DOCK9: variants seen among roughly 807,000 people sequenced by gnomAD.
DOCK9 encodes dedicator of cytokinesis 9.
A neutral mutation model predicts 263.3 loss-of-function variants in DOCK9; 89 were observed. The observed-to-expected ratio is 0.34, with a 90% CI of 0.28 to 0.40. DOCK9 has a LOEUF of 0.40. Among genes scored for constraint, DOCK9 ranks in the 10% least tolerant of loss-of-function variants. DOCK9 has a pLI of 1.00. For missense variants in DOCK9, 2,140 were observed against 2,603.4 expected (o/e 0.82, Z 3.87); for synonymous variants, 976 against 973.1 (o/e 1.00, Z -0.06).
At chr13:98,800,072 T>TC (rs2089927109) in intron 50 of DOCK9, among the ~76,000 whole-genome samples, 3 of 152,032 alleles carry the variant, frequency 2.0e-5, no homozygotes, top group African/African-American at 7.2e-5. Flanking sequence ...CTGGCTCTTG[T>TC]CCCCACAGTC....
chr13:98,835,968 C>A (rs570861166), intron 39 of DOCK9, among the ~76,000 whole-genome samples: 1 of 152,208 alleles, frequency 6.6e-6, no homozygotes, highest in Admixed American at 6.5e-5. Context: ...GATCTCCTGA[C>A]CTCGTGATCC....
chr13:99,014,856 G>A (rs995136377), intron 1 of DOCK9, among the ~76,000 whole-genome samples: 24 of 152,136 alleles, frequency 1.6e-4, no homozygotes, highest in African/African-American at 5.1e-4. Context: ...GACAGAACAC[G>A]GAAGTGTCAT....
chr13:98,855,801 AG>A (rs2093693546), intron 34 of DOCK9, 96 bp downstream of exon 34: 1 of 1,465,136 alleles, frequency 6.8e-7, no homozygotes, highest in Non-Finnish European at 9.3e-7. Context: ...AAAAAACAAA[AG>A]GTCACACTTA....
Position 98,925,095 on chromosome 13 carries a change from T to C in DOCK9, c.416+742A>G, listed in dbSNP as rs962821441. On this transcript the variant is annotated intron_variant, in intron 4 of 52. Coordinates refer to ENST00000682017, the MANE Select transcript of DOCK9 (RefSeq NM_001366683.2). The stretch of plus-strand genomic sequence containing the variant: ...GGGAGAGTTGCTTGAACTTGGGAGG[T>C]GGAGGTTGCAGTGAGCAGAGATCGT... Among the ~76,000 whole-genome samples the C allele has an allele frequency of 3.3e-4, 50 of 151,766 alleles. 1 individual carries two copies. Among genetic ancestry groups the C allele is most frequent in the Admixed American group, 3.3e-3 (50 of 15,244 alleles).
intron 43 of DOCK9, among the ~76,000 whole-genome samples, chr13:98,827,617 G>A (rs1349502741): frequency 6.6e-6 from 1 of 152,238 alleles, no homozygotes; most frequent in Non-Finnish European, 1.5e-5. Flanking sequence ...ACGTGCACGT[G>A]TGTCAACGAA....
intron 27 of DOCK9, among the ~76,000 whole-genome samples, chr13:98,870,371 A>G (rs1250351581): frequency 5.3e-5 from 8 of 152,232 alleles, no homozygotes; most frequent in Non-Finnish European, 8.8e-5. Context: ...TTCCAAAGGG[A>G]TTTTGTTGCA....
At chr13:98,992,744 C>T (rs1880105999) in intron 1 of DOCK9, among the ~76,000 whole-genome samples, 1 of 152,190 alleles carries the variant, frequency 6.6e-6, no homozygotes, top group African/African-American at 2.4e-5. Context: ...CATTAAACCT[C>T]TTTCCTTTAT....
intron 2 of DOCK9, among the ~76,000 whole-genome samples, chr13:98,937,362 C>T (rs978468233): frequency 6.7e-6 from 1 of 150,336 alleles, no homozygotes; most frequent in African/African-American, 2.5e-5. Flanking sequence ...TATGCACCTG[C>T]AAGAAAGAAA....
chr13:99,039,123 AT>A (rs1888223231), intron 1 of DOCK9, among the ~76,000 whole-genome samples: 1 of 152,218 alleles, frequency 6.6e-6, no homozygotes, highest in South Asian at 2.1e-4. Context: ...TTACAGATTA[AT>A]TTTTTAAGGC....
At chr13:98,991,310 T>C (rs1395915850) in intron 1 of DOCK9, among the ~76,000 whole-genome samples, 2 of 152,164 alleles carry the variant, frequency 1.3e-5, no homozygotes, top group East Asian at 3.9e-4. Context: ...GACCTCGTGA[T>C]GCTCCTGCCT....
intron 1 of DOCK9, among the ~76,000 whole-genome samples, chr13:99,035,051 T>C (rs1455036858): frequency 6.6e-6 from 1 of 152,254 alleles, no homozygotes; most frequent in Non-Finnish European, 1.5e-5. Flanking sequence ...GGTGGGTTTC[T>C]GAATCTGTGT....
At chr13:99,079,205 A>G (rs2042027895) in intron 1 of DOCK9, among the ~76,000 whole-genome samples, 1 of 152,244 alleles carries the variant, frequency 6.6e-6, no homozygotes, top group Non-Finnish European at 1.5e-5. Flanking sequence ...ATCTCTATAG[A>G]CAAATAGCTA....
At chr13:99,034,939 C>T (rs574417196) in intron 1 of DOCK9, among the ~76,000 whole-genome samples, 30 of 152,246 alleles carry the variant, frequency 2.0e-4, no homozygotes, top group African/African-American at 2.9e-4. Flanking sequence ...GTGGAACCAC[C>T]GGATTATCTT....
intron 1 of DOCK9, among the ~76,000 whole-genome samples, chr13:99,083,169 C>G (rs1770810101): frequency 6.6e-6 from 1 of 151,942 alleles, no homozygotes; most frequent in South Asian, 2.1e-4. Context: ...GCCAGAGAAT[C>G]ACCTGAATCT....
chr13:98,914,521 T>C, intron 8 of DOCK9, 126 bp from the exon 9 acceptor site: 2 of 746,860 alleles, frequency 2.7e-6, no homozygotes, highest in Non-Finnish European at 4.4e-6. Flanking sequence ...CTCTGGATGC[T>C]CCTGGGAAAC....
At chr13:99,082,725 G>T (rs1211358582) in intron 1 of DOCK9, among the ~76,000 whole-genome samples, 2 of 152,040 alleles carry the variant, frequency 1.3e-5, no homozygotes, top group African/African-American at 4.8e-5. Flanking sequence ...GCCAGCCACT[G>T]CCTAAGAGCT....
At chr13:99,032,864 A>G (rs1887492805) in intron 1 of DOCK9, among the ~76,000 whole-genome samples, 1 of 152,216 alleles carries the variant, frequency 6.6e-6, no homozygotes, top group Admixed American at 6.5e-5. Context: ...TGTGTATTTA[A>G]TTAAAAATTA....
At chr13:99,016,320 A>T (rs1885407165) in intron 1 of DOCK9, among the ~76,000 whole-genome samples, 2 of 152,194 alleles carry the variant, frequency 1.3e-5, no homozygotes, top group Non-Finnish European at 2.9e-5. Context: ...ACAGCAAACC[A>T]CAAGGGAACA....
chr13:99,038,668 C>T (rs1189743868), intron 1 of DOCK9, among the ~76,000 whole-genome samples: 2 of 152,138 alleles, frequency 1.3e-5, no homozygotes, highest in African/African-American at 4.8e-5. Context: ...TATTTCACAC[C>T]CTGTCCCTTG....
Sources: allele counts gnomAD v4.1 joint callset (sites outside exome capture counted in the v4.1 genomes callset), GRCh38; gene constraint gnomAD v4.1.1; transcripts MANE v1.5; gene names NCBI Gene and HGNC (gene_info 2026-07-23, HGNC 2026-07-21).